PATJ: variants seen among roughly 807,000 people sequenced by gnomAD.
PATJ encodes the protein PATJ crumbs cell polarity complex component.
In PATJ, 190 loss-of-function variants were observed where a neutral mutation model predicts 224.9. That is an observed-to-expected ratio of 0.84 (90% confidence interval 0.75 to 0.95). PATJ has a LOEUF of 0.95. PATJ is among the 40% of genes least tolerant of loss of function. The pLI, the probability that PATJ is intolerant of heterozygous loss-of-function variation, is 0.00. For synonymous variants in PATJ, 769 were observed against 820.3 expected (o/e 0.94, Z 1.07); for missense variants, 2,121 against 2,270.3 (o/e 0.93, Z 1.34).
intron 25 of PATJ, among the ~76,000 whole-genome samples, chr1:61,911,147 T>G (rs1672576218): frequency 6.6e-6 from 1 of 152,192 alleles, no homozygotes; most frequent in African/African-American, 2.4e-5. Flanking sequence ...TTTTTATCTG[T>G]GTGCATTATC....
chr1:61,965,488 A>G (rs1444018004), intron 27 of PATJ, among the ~76,000 whole-genome samples: 1 of 152,218 alleles, frequency 6.6e-6, no homozygotes, highest in Non-Finnish European at 1.5e-5. Context: ...TTACCTAACC[A>G]TTTAGTGAAC....
At chr1:61,753,055 T>G (rs1570256689) in intron 1 of PATJ, among the ~76,000 whole-genome samples, 1 of 152,172 alleles carries the variant, frequency 6.6e-6, no homozygotes, top group Admixed American at 6.6e-5. Flanking sequence ...ATGCTGAGCT[T>G]TGAGGACAAA....
At chr1:61,778,510 G>A (rs1472502586) in intron 7 of PATJ, among the ~76,000 whole-genome samples, 1 of 152,056 alleles carries the variant, frequency 6.6e-6, no homozygotes, top group South Asian at 2.1e-4. Context: ...CAAAGAATAG[G>A]CTGAAAGGAC....
chr1:61,787,204 T>A (rs1648742016), intron 7 of PATJ, among the ~76,000 whole-genome samples: 2 of 152,210 alleles, frequency 1.3e-5, no homozygotes, highest in African/African-American at 4.8e-5. Flanking sequence ...GTCACTCCTC[T>A]GTTTCAAAAC....
chr1:62,047,317 C>T (rs912999314), intron 30 of PATJ, among the ~76,000 whole-genome samples: 31 of 152,164 alleles, frequency 2.0e-4, no homozygotes, highest in Admixed American at 1.8e-3. Flanking sequence ...AGTGCAGTGG[C>T]GTGATATCGG....
chr1:61,948,410 G>A (rs1260017076), intron 27 of PATJ, among the ~76,000 whole-genome samples: 20 of 151,972 alleles, frequency 1.3e-4, no homozygotes, highest in African/African-American at 4.6e-4. Context: ...AAAGGATATG[G>A]ACAGACACTT....
intron 17 of PATJ, among the ~76,000 whole-genome samples, chr1:61,848,749 A>G (rs1340139963): frequency 2.6e-5 from 4 of 151,990 alleles, no homozygotes; most frequent in Non-Finnish European, 4.4e-5. Context: ...TGCATTCTCT[A>G]TTTTAGCAAC....
At chr1:61,765,066 A>ATTTTT (rs71582647) in intron 3 of PATJ, among the ~76,000 whole-genome samples, 1,157 of 24,014 alleles carry the variant, frequency 0.048, 445 homozygotes, top group South Asian at 0.06. Flanking sequence ...ATTGACATTC[A>ATTTTT]TTTTTTTTTT....
At chr1:61,747,100 T>C (rs1235589485) in intron 1 of PATJ, among the ~76,000 whole-genome samples, 1 of 152,254 alleles carries the variant, frequency 6.6e-6, no homozygotes, top group Admixed American at 6.5e-5. Context: ...ATTTGTTCAC[T>C]TAAGACTTTG....
At chr1:61,834,542 A>T (rs984244866) in intron 17 of PATJ, among the ~76,000 whole-genome samples, 2 of 152,190 alleles carry the variant, frequency 1.3e-5, no homozygotes, top group Non-Finnish European at 2.9e-5. Context: ...AATTGTTGCC[A>T]AGAAATCTCT....
At chr1:61,965,933 G>A (rs1032246841) in intron 27 of PATJ, among the ~76,000 whole-genome samples, 12 of 152,096 alleles carry the variant, frequency 7.9e-5, no homozygotes, top group East Asian at 1.9e-4. Flanking sequence ...GTGGAGCCTC[G>A]CTCTGTCTCC....
At chr1:61,756,537 C>CCTTATAT (rs905355344) in intron 1 of PATJ, among the ~76,000 whole-genome samples, 1 of 145,738 alleles carries the variant, frequency 6.9e-6, no homozygotes, top group African/African-American at 2.5e-5. Context: ...CCTAGGGTAG[C>CCTTATAT]CTTATATATT....
chr1:62,042,686 G>A (rs1360728284), intron 30 of PATJ, among the ~76,000 whole-genome samples: 1 of 151,996 alleles, frequency 6.6e-6, no homozygotes, highest in African/African-American at 2.4e-5. Flanking sequence ...TTTTTCTGTA[G>A]CCCAGGCTAG....
intron 27 of PATJ, among the ~76,000 whole-genome samples, chr1:61,987,386 G>A (rs1354405299): frequency 6.6e-6 from 1 of 151,186 alleles, no homozygotes; most frequent in East Asian, 1.9e-4. Flanking sequence ...TCTTGTTAAA[G>A]TTATCAACAT....
At chr1:61,967,511 G>T (rs1352037335) in intron 27 of PATJ, among the ~76,000 whole-genome samples, 1 of 152,176 alleles carries the variant, frequency 6.6e-6, no homozygotes. Context: ...ACCTTTTAAG[G>T]AAATGTGTGT....
At chr1:61,976,983 T>A (rs1333276989) in intron 27 of PATJ, among the ~76,000 whole-genome samples, 1 of 152,142 alleles carries the variant, frequency 6.6e-6, no homozygotes, top group African/African-American at 2.4e-5. Flanking sequence ...TTGGTTTTTC[T>A]AATATATAGT....
At chr1:61,953,992 T>G (rs1680082617) in intron 27 of PATJ, among the ~76,000 whole-genome samples, 1 of 152,196 alleles carries the variant, frequency 6.6e-6, no homozygotes, top group South Asian at 2.1e-4. Flanking sequence ...GGAATTTATG[T>G]GTCCTTTGCG....
intron 29 of PATJ, among the ~76,000 whole-genome samples, chr1:62,033,348 G>C (rs1298813676): frequency 1.3e-5 from 2 of 152,188 alleles, no homozygotes; most frequent in African/African-American, 4.8e-5. Context: ...TAAGAGTCCA[G>C]ATGCCTCATG....
At chr1:61,817,354 G>A (rs1238139978) in intron 14 of PATJ, among the ~76,000 whole-genome samples, 2 of 152,082 alleles carry the variant, frequency 1.3e-5, no homozygotes, top group Non-Finnish European at 2.9e-5. Context: ...CACATTTTTT[G>A]AACATTCTGA....
Sources: allele counts gnomAD v4.1 joint callset (sites outside exome capture counted in the v4.1 genomes callset), GRCh38; gene constraint gnomAD v4.1.1; transcripts MANE v1.5; gene names NCBI Gene and HGNC (gene_info 2026-07-23, HGNC 2026-07-21).